Variants in CLNK observed in about 807,000 individuals in gnomAD.
The protein encoded by CLNK is cytokine-dependent hematopoietic cell linker.
A neutral mutation model predicts 68.6 loss-of-function variants in CLNK; 74 were observed. The ratio of observed to expected loss-of-function variants is 1.08; its 90% CI spans 0.89 to 1.31. CLNK has a LOEUF of 1.31. Among genes scored for constraint, CLNK ranks in the 50% most tolerant of loss-of-function variants. The probability of loss-of-function intolerance (pLI) is 0.00; values close to 1 mark genes in which losing one functional copy is unlikely to be tolerated. For missense variants in CLNK, 553 were observed against 515.3 expected (o/e 1.07, Z -0.71); for synonymous variants, 198 against 172.2 (o/e 1.15, Z -1.17).
At chr4:10,598,106 T>A in intron 2 of CLNK, 57 bp from the exon 3 acceptor site, 1 of 1,175,432 alleles carries the variant, frequency 8.5e-7, no homozygotes, top group Non-Finnish European at 1.2e-6. Flanking sequence ...AGGGGAAAAA[T>A]TAATTAAGTG....
chr4:10,533,678 C>T (rs1373837167), intron 11 of CLNK, among the ~76,000 whole-genome samples: 1 of 152,140 alleles, frequency 6.6e-6, no homozygotes, highest in East Asian at 1.9e-4. Flanking sequence ...AGAACAAACA[C>T]CCAGAGTATT....
At chr4:10,541,964 G>A (rs1237144533) in intron 10 of CLNK, 58 bp downstream of exon 10, 1 of 1,262,432 alleles carries the variant, frequency 7.9e-7, no homozygotes, top group Non-Finnish European at 1.1e-6. Flanking sequence ...TTTTTCAGAT[G>A]CTGGCACAAA....
At chr4:10,633,602 T>A (rs996879946) in intron 2 of CLNK, among the ~76,000 whole-genome samples, 1 of 152,232 alleles carries the variant, frequency 6.6e-6, no homozygotes, top group African/African-American at 2.4e-5. Context: ...CTAGAACCAA[T>A]GCTCGTAGGT....
At chr4:10,540,969 C>T (rs982724406) in intron 10 of CLNK, among the ~76,000 whole-genome samples, 1 of 152,012 alleles carries the variant, frequency 6.6e-6, no homozygotes, top group Admixed American at 6.6e-5. Flanking sequence ...AATCCCAGCA[C>T]TTTGGGAGGC....
chr4:10,657,395 A>T (rs149134972), intron 2 of CLNK, among the ~76,000 whole-genome samples: 5 of 152,378 alleles, frequency 3.3e-5, no homozygotes, highest in African/African-American at 7.2e-5. Flanking sequence ...CTGAGAATGC[A>T]TACACATATC....
At chr4:10,601,216 C>T (rs116371659) in intron 2 of CLNK, among the ~76,000 whole-genome samples, 62 of 152,198 alleles carry the variant, frequency 4.1e-4, no homozygotes, top group African/African-American at 1.4e-3. Flanking sequence ...CGCCTGTCTC[C>T]TGGAGAATGT....
the CLNK span, among the ~76,000 whole-genome samples, chr4:10,712,471 T>G: frequency 6.6e-6 from 1 of 152,194 alleles, no homozygotes; most frequent in African/African-American, 2.4e-5. Flanking sequence ...TGGGAGGAAT[T>G]TAGCTTATAG....
chr4:10,568,341 A>G (rs1720205384), intron 5 of CLNK, among the ~76,000 whole-genome samples: 3 of 152,218 alleles, frequency 2.0e-5, no homozygotes, highest in Admixed American at 1.3e-4. Context: ...AGGAGGATCT[A>G]TAGATAAAGA....
Position 10,542,283 on chromosome 4 carries a change from A to G in CLNK, c.446-3T>C, listed in dbSNP as rs1385928034. The G allele has an allele frequency of 2.0e-6, 3 of 1,532,936 alleles. No individual in the cohort carries two copies. Among genetic ancestry groups the G allele is most frequent in the Non-Finnish European group, 2.7e-6 (3 of 1,120,966 alleles). The allele number at this position is 1,532,936 out of a possible 1,614,324, so 95.0% of individuals were successfully genotyped here. A position where few individuals can be genotyped will look rare whatever the true frequency, so the allele number is the denominator to read the frequency against. ...GTTCTTTCTTACGGATGCATCTCCT[A>G]AAACATAAGAGGGAATAGCAGTGAA... On this transcript the variant is annotated splice_region_variant and splice_polypyrimidine_tract_variant and intron_variant, in intron 8 of 18. Coordinates refer to ENST00000226951, the MANE Select transcript of CLNK (RefSeq NM_052964.4).
At chr4:10,542,174 T>C (rs1719057414) in intron 9 of CLNK, 81 bp downstream of exon 9, 4 of 1,187,176 alleles carry the variant, frequency 3.4e-6, no homozygotes, top group East Asian at 5.0e-5. Flanking sequence ...TCTAGAGATA[T>C]CTGAGTTTTT....
Position 10,646,864 on chromosome 4 carries a change from T to A in CLNK, c.11+20995A>T, listed in dbSNP as rs552194595. 2.0e-5 allele frequency among the ~76,000 whole-genome samples: 3 copies of A among 152,338 alleles called. No homozygotes were observed. In the East Asian group the frequency reaches 5.8e-4, roughly 29 times the overall value. On this transcript the variant is annotated intron_variant, in intron 2 of 18. Transcript: ENST00000226951. ...AACTCTGTGAACAAACTGTGCATGA[T>A]TTCACAGCCATAGATTTGGCAACAG...
At position 10,532,269 on chromosome 4, in the gene CLNK, C is replaced by G; in HGVS notation, c.617G>C (p.Arg206Thr). The change falls in exon 12 of 19, where the codon AGG becomes ACG. Residue 206 changes from arginine (R) to threonine (T), a missense_variant. Arg to Thr is a moderately conservative substitution (Grantham distance 71, BLOSUM62 -1). Coordinates refer to ENST00000226951, the MANE Select transcript of CLNK (RefSeq NM_052964.4). ...ATTGCTACTTACCTCACTTAAGTCC[C>G]TTAAGCTTATCTGACTGCAAGAAAA... ...VQRMPSQISL[R>T]DLSEVLEAEK... The G allele has an allele frequency of 6.2e-7, 1 of 1,610,760 alleles. No individual in the cohort carries two copies.
At chr4:10,723,919 A>AGAGAGAGACAGAGAG in the CLNK span, among the ~76,000 whole-genome samples, 3 of 148,018 alleles carry the variant, frequency 2.0e-5, no homozygotes, top group Non-Finnish European at 3.0e-5. Flanking sequence ...AGAGAGAGAG[A>AGAGAGAGACAGAGAG]AGGCAGGGCA....
chr4:10,537,074 T>C (rs754907103), intron 11 of CLNK, among the ~76,000 whole-genome samples: 1 of 152,222 alleles, frequency 6.6e-6, no homozygotes, highest in Non-Finnish European at 1.5e-5. Flanking sequence ...AAAATTCTGA[T>C]GCCCAGGTCT....
At chr4:10,560,946 G>C (rs1217802812) in intron 7 of CLNK, among the ~76,000 whole-genome samples, 1 of 151,564 alleles carries the variant, frequency 6.6e-6, no homozygotes, top group Non-Finnish European at 1.5e-5. Flanking sequence ...ACCCAGACTA[G>C]AGTGAAGTGG....
intron 2 of CLNK, among the ~76,000 whole-genome samples, chr4:10,665,772 C>A (rs1724373664): frequency 6.6e-6 from 1 of 151,942 alleles, no homozygotes; most frequent in South Asian, 2.1e-4. Context: ...ATTTCAAAGC[C>A]ATCCCACGTT....
intron 2 of CLNK, among the ~76,000 whole-genome samples, chr4:10,615,198 G>A (rs1218239941): frequency 6.6e-6 from 1 of 151,718 alleles, no homozygotes; most frequent in Non-Finnish European, 1.5e-5. Flanking sequence ...ACAAGAAAGA[G>A]GCTGGGCGCG....
intron 18 of CLNK, among the ~76,000 whole-genome samples, chr4:10,497,363 G>T (rs1375249898): frequency 6.6e-6 from 1 of 152,096 alleles, no homozygotes; most frequent in African/African-American, 2.4e-5. Flanking sequence ...TGCTTTAATT[G>T]ATTCATTCTT....
intron 2 of CLNK, among the ~76,000 whole-genome samples, chr4:10,642,849 TA>T (rs1255822092): frequency 1.3e-5 from 2 of 152,190 alleles, no homozygotes; most frequent in African/African-American, 4.8e-5. Flanking sequence ...GAAGGGTATG[TA>T]AAATAGTGAA....
Sources: allele counts gnomAD v4.1 joint callset (sites outside exome capture counted in the v4.1 genomes callset), GRCh38; gene constraint gnomAD v4.1.1; transcripts MANE v1.5; gene names NCBI Gene and HGNC (gene_info 2026-07-23, HGNC 2026-07-21).